TBC1D12: variants seen among roughly 807,000 people sequenced by gnomAD.
TBC1D12 encodes the protein TBC1 domain family member 12.
In TBC1D12, 56 loss-of-function variants were observed where a neutral mutation model predicts 86.7. The observed-to-expected ratio is 0.65, with a 90% CI of 0.52 to 0.81. The LOEUF (loss-of-function observed/expected upper bound fraction) is 0.81. Among genes scored for constraint, TBC1D12 ranks in the 30% least tolerant of loss-of-function variants. The pLI, the probability that TBC1D12 is intolerant of heterozygous loss-of-function variation, is 0.00. For missense variants in TBC1D12, 1,023 were observed against 1,038.8 expected, an observed-to-expected ratio of 0.98 and a Z score of 0.21; for synonymous variants, 421 against 411.7, an observed-to-expected ratio of 1.02 and a Z score of -0.27.
At chr10:94,510,703 G>A (rs1277491085) in intron 8 of TBC1D12, among the ~76,000 whole-genome samples, 1 of 152,074 alleles carries the variant, frequency 6.6e-6, no homozygotes, top group African/African-American at 2.4e-5. Flanking sequence ...AGGTCTTGCT[G>A]TGTTGCCCAG....
chr10:94,501,056 AAATGAATGAATGAATAAATGAATGAATG>A (rs2056388957), intron 6 of TBC1D12, among the ~76,000 whole-genome samples: 1 of 149,264 alleles, frequency 6.7e-6, no homozygotes. Flanking sequence ...ACTCTATCTC[AAATGAATGAATGAATAAATGAATGAATG>A]AATGAATGAA....
intron 4 of TBC1D12, among the ~76,000 whole-genome samples, chr10:94,494,717 T>C (rs2056292438): frequency 6.6e-6 from 1 of 152,038 alleles, no homozygotes; most frequent in Non-Finnish European, 1.5e-5. Flanking sequence ...TTAATTTTTG[T>C]ATTTTTTTGT....
chr10:94,504,945 A>C (rs1192012014), intron 6 of TBC1D12, among the ~76,000 whole-genome samples: 1 of 152,218 alleles, frequency 6.6e-6, no homozygotes, highest in Non-Finnish European at 1.5e-5. Context: ...AGTAAGTGTG[A>C]CATGAGGACC....
intron 1 of TBC1D12, among the ~76,000 whole-genome samples, chr10:94,420,218 A>G (rs1255567089): frequency 1.3e-5 from 2 of 152,176 alleles, no homozygotes; most frequent in African/African-American, 2.4e-5. Context: ...CCCTGCTGCT[A>G]TATGAGCACA....
intron 1 of TBC1D12, among the ~76,000 whole-genome samples, chr10:94,428,706 G>A (rs1230505978): frequency 6.6e-6 from 1 of 151,674 alleles, no homozygotes; most frequent in African/African-American, 2.4e-5. Flanking sequence ...TGGCCCATTT[G>A]TGTAGGTTCA....
intron 3 of TBC1D12, among the ~76,000 whole-genome samples, chr10:94,488,932 AGTT>A (rs1287938553): frequency 1.3e-5 from 2 of 151,948 alleles, no homozygotes; most frequent in African/African-American, 4.8e-5. Flanking sequence ...AGAAGAAAGG[AGTT>A]ACTTTAGTTG....
At chr10:94,502,853 A>T (rs941743727) in intron 6 of TBC1D12, among the ~76,000 whole-genome samples, 8 of 152,162 alleles carry the variant, frequency 5.3e-5, no homozygotes, top group Middle Eastern at 3.2e-3. Context: ...TATTGGAAAA[A>T]GTTAAAGTAA....
At chr10:94,521,500 C>T (rs572602265) in intron 9 of TBC1D12, among the ~76,000 whole-genome samples, 64 of 152,248 alleles carry the variant, frequency 4.2e-4, no homozygotes, top group Non-Finnish European at 8.5e-4. Flanking sequence ...ACCCCCACAA[C>T]GTCTCCTTTC....
At chr10:94,431,375 A>C (rs1309083972) in intron 1 of TBC1D12, among the ~76,000 whole-genome samples, 1 of 151,436 alleles carries the variant, frequency 6.6e-6, no homozygotes, top group East Asian at 1.9e-4. Context: ...AGATTGCACC[A>C]TTGCACTCCA....
chr10:94,531,363 A>G lies in TBC1D12; in HGVS notation c.2162A>G (p.Gln721Arg). 1 of 1,614,154 alleles carries G rather than the reference A, an allele frequency of 6.2e-7. No individual in the cohort carries two copies. The highest frequency in any genetic ancestry group is 8.5e-7 in the Non-Finnish European group (1 of 1,180,022). ...LLQMDFIHIA[Q>R]FLTKLPEDIT... ...CAGATGGACTTTATTCATATAGCACAGTTTCTAACTAAATTGCCAGAAGAT... is the reference window on the plus strand; with the variant it reads ...CAGATGGACTTTATTCATATAGCACGGTTTCTAACTAAATTGCCAGAAGAT... Residue 721 changes from glutamine (Q) to arginine (R), a missense_variant, in exon 12 of 13, where the codon CAG (glutamine) becomes CGG (arginine). This residue lies in a region of TBC1D12 where 395 missense variants were observed against 507.7 expected (regional missense o/e 0.78). Transcript: ENST00000225235.
chr10:94,409,656 A>C (rs2054905147), intron 1 of TBC1D12, among the ~76,000 whole-genome samples: 1 of 152,180 alleles, frequency 6.6e-6, no homozygotes, highest in Non-Finnish European at 1.5e-5. Context: ...GATTATAGGC[A>C]TGAGCTACGC....
intron 3 of TBC1D12, among the ~76,000 whole-genome samples, chr10:94,488,050 G>T (rs925991318): frequency 1.3e-5 from 2 of 152,082 alleles, no homozygotes; most frequent in Admixed American, 6.5e-5. Context: ...TTGAAAAGCT[G>T]TTTCAGGTAT....
chr10:94,468,081 C>A (rs1382033666), intron 2 of TBC1D12, among the ~76,000 whole-genome samples: 1 of 152,130 alleles, frequency 6.6e-6, no homozygotes, highest in African/African-American at 2.4e-5. Context: ...TCATGGTCTA[C>A]CTTCAAATAA....
intron 1 of TBC1D12, among the ~76,000 whole-genome samples, chr10:94,436,620 G>T (rs947612238): frequency 4.6e-5 from 7 of 151,856 alleles, no homozygotes; most frequent in African/African-American, 7.2e-5. Flanking sequence ...TCTTTAATGT[G>T]GTTCAATAAT....
intron 2 of TBC1D12, among the ~76,000 whole-genome samples, chr10:94,460,505 T>C (rs890589875): frequency 2.0e-5 from 3 of 152,144 alleles, no homozygotes. Context: ...TGTTTTTACC[T>C]CTGCTGCCTT....
At chr10:94,441,809 C>T in intron 1 of TBC1D12, 87 bp from the exon 2 acceptor site, 4 of 1,380,088 alleles carry the variant, frequency 2.9e-6, no homozygotes, top group East Asian at 2.5e-5. Context: ...TTTGTTTTTG[C>T]CTTGGGAACA....
intron 6 of TBC1D12, among the ~76,000 whole-genome samples, chr10:94,504,166 G>A (rs991882552): frequency 6.6e-6 from 1 of 152,176 alleles, no homozygotes; most frequent in Non-Finnish European, 1.5e-5. Flanking sequence ...ATTGTTTAAA[G>A]TCTTAAGAAT....
At chr10:94,460,571 T>G (rs2134121142) in intron 2 of TBC1D12, among the ~76,000 whole-genome samples, 1 of 142,630 alleles carries the variant, frequency 7.0e-6, no homozygotes, top group African/African-American at 2.6e-5. Flanking sequence ...CTAGAAGTAG[T>G]TTTTTTTTTT....
intron 11 of TBC1D12, among the ~76,000 whole-genome samples, chr10:94,528,822 C>CAA (rs754023345): frequency 4.0e-5 from 4 of 99,896 alleles, no homozygotes; most frequent in Admixed American, 1.1e-4. Flanking sequence ...ACTGTGTCTC[C>CAA]AAAAAAAAAA....
Sources: gnomAD v4.1 joint callset for allele counts (sites outside exome capture counted in the v4.1 genomes callset) on GRCh38, gnomAD v4.1.1 for gene constraint, gnomAD v4.1.1 regional missense constraint, MANE v1.5 for transcripts, NCBI Gene and HGNC (gene_info 2026-07-23, HGNC 2026-07-21) for gene names.